The following NRG3 variants were observed in gnomAD, a reference collection of about 807,000 sequenced individuals.
NRG3 encodes the protein neuregulin 3, also known as pro-neuregulin-3, membrane-bound isoform.
NRG3 carries 31 observed loss-of-function variants against 66.9 expected under a neutral mutation model. That is an observed-to-expected ratio of 0.46 (90% CI 0.35 to 0.63). NRG3 has a LOEUF of 0.63. Ranked by LOEUF, NRG3 falls within the 20% of genes least tolerant of loss-of-function variation. The pLI is 0.00. For synonymous variants in NRG3, 393 were observed against 359.4 expected (o/e 1.09, Z -1.06); for missense variants, 910 against 878.9 (o/e 1.04, Z -0.45).
At chr10:82,797,485 T>C (rs1346443684) in intron 3 of NRG3, among the ~76,000 whole-genome samples, 2 of 152,164 alleles carry the variant, frequency 1.3e-5, no homozygotes, top group Non-Finnish European at 2.9e-5. Context: ...CTACCTCTCA[T>C]ATACAATTTC....
intron 2 of NRG3, among the ~76,000 whole-genome samples, chr10:82,509,138 C>G (rs929866967): frequency 7.2e-5 from 11 of 152,128 alleles, no homozygotes; most frequent in African/African-American, 2.2e-4. Flanking sequence ...CCCCTCCCTC[C>G]TCTGTCTTCT....
chr10:82,178,020 T>C (rs979080632), intron 1 of NRG3, among the ~76,000 whole-genome samples: 2 of 152,088 alleles, frequency 1.3e-5, no homozygotes, highest in African/African-American at 4.8e-5. Flanking sequence ...CCCAAAGAGC[T>C]TTTGCTTATG....
At chr10:82,362,552 T>TTTTTTTTG (rs2084245298) in intron 2 of NRG3, among the ~76,000 whole-genome samples, 1 of 107,266 alleles carries the variant, frequency 9.3e-6, no homozygotes, top group African/African-American at 6.2e-5. Context: ...TTCTGGGTTT[T>TTTTTTTTG]TTTTTTTTTT....
At chr10:82,495,439 A>G (rs1179067161) in intron 2 of NRG3, among the ~76,000 whole-genome samples, 5 of 151,416 alleles carry the variant, frequency 3.3e-5, no homozygotes, top group Admixed American at 1.3e-4. Context: ...TTTTTGTCCC[A>G]TATCCCTTTC....
At chr10:82,159,102 T>A (rs527404504) in intron 1 of NRG3, among the ~76,000 whole-genome samples, 1 of 152,008 alleles carries the variant, frequency 6.6e-6, no homozygotes, top group African/African-American at 2.4e-5. Flanking sequence ...AAAATAATGA[T>A]TTGATTTAAT....
At chr10:82,431,188 G>C (rs921848755) in intron 2 of NRG3, among the ~76,000 whole-genome samples, 2 of 152,038 alleles carry the variant, frequency 1.3e-5, no homozygotes, top group African/African-American at 4.8e-5. Context: ...TGAATTCTGA[G>C]TCAGGGCAAG....
chr10:82,906,346 C>A (rs893654883), intron 4 of NRG3, among the ~76,000 whole-genome samples: 3 of 152,136 alleles, frequency 2.0e-5, no homozygotes, highest in Admixed American at 6.5e-5. Flanking sequence ...TGTTAAAATA[C>A]CTTGTGGCAT....
intron 1 of NRG3, among the ~76,000 whole-genome samples, chr10:82,088,270 T>G (rs1344121950): frequency 1.3e-5 from 2 of 152,138 alleles, no homozygotes; most frequent in Non-Finnish European, 1.5e-5. Context: ...AACTTAAGCC[T>G]ACTTGGACTG....
At chr10:82,827,773 A>G (rs1339984612) in intron 3 of NRG3, among the ~76,000 whole-genome samples, 2 of 152,236 alleles carry the variant, frequency 1.3e-5, no homozygotes, top group Non-Finnish European at 2.9e-5. Context: ...AATTTCAACA[A>G]GACAAAAACA....
chr10:82,596,743 A>G (rs1367960357), intron 2 of NRG3, among the ~76,000 whole-genome samples: 1 of 152,150 alleles, frequency 6.6e-6, no homozygotes, highest in Non-Finnish European at 1.5e-5. Flanking sequence ...AGACAATCTG[A>G]GAGTGGAGGC....
At chr10:81,995,556 G>C (rs914052537) in intron 1 of NRG3, among the ~76,000 whole-genome samples, 2 of 152,192 alleles carry the variant, frequency 1.3e-5, no homozygotes, top group African/African-American at 4.8e-5. Flanking sequence ...TATCTTTTCT[G>C]CTTCTTGTGA....
intron 1 of NRG3, among the ~76,000 whole-genome samples, chr10:81,908,457 CT>C (rs1288686101): frequency 3.3e-5 from 5 of 152,162 alleles, no homozygotes; most frequent in African/African-American, 9.7e-5. Flanking sequence ...GCCGTACCCA[CT>C]TCTGTGCCAA....
At chr10:82,734,294 G>C (rs75991515) in intron 2 of NRG3, among the ~76,000 whole-genome samples, 3,349 of 152,270 alleles carry the variant, frequency 0.022, 121 homozygotes, top group African/African-American at 0.075. Context: ...AGCTGGGCAG[G>C]TGGGATGGAT....
intron 4 of NRG3, among the ~76,000 whole-genome samples, chr10:82,910,342 A>G (rs976136952): frequency 6.6e-6 from 1 of 152,218 alleles, no homozygotes. Context: ...AAAGAAACTG[A>G]CTACAGCTAA....
intron 1 of NRG3, among the ~76,000 whole-genome samples, chr10:82,324,428 C>T (rs2081752323): frequency 6.6e-6 from 1 of 151,694 alleles, no homozygotes; most frequent in Admixed American, 6.6e-5. Context: ...AAATTTCTGA[C>T]TTCATTATTA....
chr10:82,316,465 C>T (rs1392951550), intron 1 of NRG3, among the ~76,000 whole-genome samples: 1 of 152,142 alleles, frequency 6.6e-6, no homozygotes, highest in Non-Finnish European at 1.5e-5. Context: ...ACCTGGATTT[C>T]AAATTCAGTA....
At chr10:82,875,196 G>T (rs1313644941) in intron 4 of NRG3, among the ~76,000 whole-genome samples, 1 of 152,010 alleles carries the variant, frequency 6.6e-6, no homozygotes, top group Non-Finnish European at 1.5e-5. Flanking sequence ...GGGTATAAAG[G>T]CCTTACTCAT....
chr10:82,738,713 G>T, intron 3 of NRG3, 63 bp downstream of exon 3: 1 of 1,357,440 alleles, frequency 7.4e-7, no homozygotes, highest in Non-Finnish European at 1.1e-6. Flanking sequence ...CTGAGCAATG[G>T]TTGTTAACTC....
At chr10:82,861,590 C>T (rs2064129924) in intron 3 of NRG3, among the ~76,000 whole-genome samples, 1 of 152,166 alleles carries the variant, frequency 6.6e-6, no homozygotes, top group African/African-American at 2.4e-5. Context: ...AAGCCCGATG[C>T]TCCATATCCC....
Sources: gnomAD v4.1 joint callset for allele counts (sites outside exome capture counted in the v4.1 genomes callset) on GRCh38, gnomAD v4.1.1 for gene constraint, MANE v1.5 for transcripts, NCBI Gene and HGNC (gene_info 2026-07-23, HGNC 2026-07-21) for gene names.